The following CACNA1E variants were observed in gnomAD, a reference collection of about 807,000 sequenced individuals.
CACNA1E encodes voltage-dependent R-type calcium channel subunit alpha-1E.
CACNA1E carries 40 observed loss-of-function variants against 259.2 expected under a neutral mutation model. The ratio of observed to expected loss-of-function variants is 0.15; its 90% CI spans 0.12 to 0.20. The LOEUF is 0.20. Ranked by LOEUF, CACNA1E falls within the 10% of genes least tolerant of loss-of-function variation. The probability of loss-of-function intolerance (pLI) is 1.00; values close to 1 mark genes in which losing one functional copy is unlikely to be tolerated. For missense variants in CACNA1E, 1,874 were observed against 3,040.1 expected (o/e 0.62, Z 9.02); for synonymous variants, 1,104 against 1,138.5 (o/e 0.97, Z 0.61).
At chr1:181,335,464 C>A (rs1557920824) in intron 1 of CACNA1E, among the ~76,000 whole-genome samples, 1 of 152,224 alleles carries the variant, frequency 6.6e-6, no homozygotes, top group Admixed American at 6.5e-5. Flanking sequence ...AGCTTTCAGA[C>A]TCCTCTGGTT....
chr1:181,761,479 G>T (rs529187606), intron 32 of CACNA1E, among the ~76,000 whole-genome samples: 2 of 152,268 alleles, frequency 1.3e-5, no homozygotes, highest in East Asian at 3.9e-4. Flanking sequence ...TGTGAGGCTG[G>T]GTTGGAGTAT....
At chr1:181,573,772 C>A (rs2102949005) in intron 3 of CACNA1E, among the ~76,000 whole-genome samples, 1 of 152,314 alleles carries the variant, frequency 6.6e-6, no homozygotes, top group African/African-American at 2.4e-5. Context: ...AATCCCATTA[C>A]TGGGCATATA....
At chr1:181,416,706 T>A (rs564241514) in intron 2 of CACNA1E, among the ~76,000 whole-genome samples, 1 of 152,230 alleles carries the variant, frequency 6.6e-6, no homozygotes, top group East Asian at 1.9e-4. Context: ...GAGAAGCAAT[T>A]TGCTCCTCAC....
At chr1:181,747,959 G>A (rs1022311789) in intron 25 of CACNA1E, among the ~76,000 whole-genome samples, 3 of 152,108 alleles carry the variant, frequency 2.0e-5, no homozygotes, top group African/African-American at 7.2e-5. Context: ...TTGTTATTCA[G>A]TACTCTTTTC....
chr1:181,405,054 T>C (rs924345308), intron 1 of CACNA1E, among the ~76,000 whole-genome samples: 73 of 152,226 alleles, frequency 4.8e-4, no homozygotes, highest in African/African-American at 1.8e-3. Context: ...GCTAGTACCT[T>C]TGAAAGCCTG....
At chr1:181,430,093 A>C (rs1295724011) in intron 2 of CACNA1E, among the ~76,000 whole-genome samples, 1 of 152,198 alleles carries the variant, frequency 6.6e-6, no homozygotes, top group Non-Finnish European at 1.5e-5. Flanking sequence ...TTTCTGGATC[A>C]GTTAGAAGGC....
intron 6 of CACNA1E, among the ~76,000 whole-genome samples, chr1:181,614,349 T>C (rs764712615): frequency 1.3e-5 from 2 of 152,216 alleles, no homozygotes; most frequent in African/African-American, 2.4e-5. Flanking sequence ...TTTCTCTACT[T>C]CTTGGGAACA....
rs933754950 is a variant in CACNA1E at position 181,676,139 on chromosome 1, C to G, written c.1055+24698C>G. ...CCCAGCAAAGTGTCCCAGAGCTGTG[C>G]GAGGCTTATACAAAAGAAGGAAGCA... On this transcript the variant is annotated intron_variant, in intron 7 of 47. Coordinates refer to ENST00000367573, the MANE Select transcript of CACNA1E (RefSeq NM_001205293.3). 2.0e-5 allele frequency among the ~76,000 whole-genome samples: 3 copies of G among 152,088 alleles called. No homozygotes were observed. The South Asian group carries it at 6.2e-4, about 32-fold the overall frequency.
At chr1:181,667,622 G>T (rs199568655) in intron 7 of CACNA1E, among the ~76,000 whole-genome samples, 1 of 151,772 alleles carries the variant, frequency 6.6e-6, no homozygotes, top group Non-Finnish European at 1.5e-5. Context: ...AGGTAGAGAA[G>T]AAAAAACAGC....
At chr1:181,450,783 G>A (rs1365457533) in intron 2 of CACNA1E, among the ~76,000 whole-genome samples, 1 of 152,190 alleles carries the variant, frequency 6.6e-6, no homozygotes, top group East Asian at 1.9e-4. Context: ...TTTTAGCTGT[G>A]ATACAGAGAA....
intron 3 of CACNA1E, among the ~76,000 whole-genome samples, chr1:181,531,870 C>A (rs1375730552): frequency 6.6e-6 from 1 of 152,218 alleles, no homozygotes. Flanking sequence ...GCCTGGCCAA[C>A]ATGGTGAAAC....
intron 7 of CACNA1E, among the ~76,000 whole-genome samples, chr1:181,709,044 G>T (rs1197569077): frequency 6.6e-6 from 1 of 152,184 alleles, no homozygotes; most frequent in Admixed American, 6.5e-5. Flanking sequence ...AGATAGTGAG[G>T]ATGGAGAGGC....
intron 1 of CACNA1E, among the ~76,000 whole-genome samples, chr1:181,331,097 T>C (rs568868757): frequency 6.6e-6 from 1 of 152,148 alleles, no homozygotes; most frequent in African/African-American, 2.4e-5. Flanking sequence ...TAAACAAGCA[T>C]ATAAAGTATT....
chr1:181,515,248 C>T, intron 3 of CACNA1E, among the ~76,000 whole-genome samples: 1 of 152,088 alleles, frequency 6.6e-6, no homozygotes, highest in Admixed American at 6.6e-5. Context: ...GGACAGGGGC[C>T]CAATGTGTCC....
intron 1 of CACNA1E, among the ~76,000 whole-genome samples, chr1:181,322,680 C>G (rs1176547963): frequency 6.6e-6 from 1 of 152,146 alleles, no homozygotes; most frequent in Non-Finnish European, 1.5e-5. Context: ...TAGAATGGGG[C>G]TCCTCCAAGG....
chr1:181,787,088 G>A (rs1255988313), intron 43 of CACNA1E, among the ~76,000 whole-genome samples: 2 of 152,034 alleles, frequency 1.3e-5, no homozygotes, highest in African/African-American at 4.8e-5. Context: ...GGAAGAGTGG[G>A]ACCTCTTCAC....
At chr1:181,340,167 T>C (rs867769569) in intron 1 of CACNA1E, among the ~76,000 whole-genome samples, 6 of 152,056 alleles carry the variant, frequency 3.9e-5, no homozygotes, top group Non-Finnish European at 7.4e-5. Flanking sequence ...TACATAATTT[T>C]TTTTTACATG....
chr1:181,772,283 CT>C, intron 37 of CACNA1E, 52 bp downstream of exon 37: 3 of 1,559,214 alleles, frequency 1.9e-6, no homozygotes, highest in Non-Finnish European at 2.6e-6. Context: ...CATCCTACCC[CT>C]AACCCTCTGA....
intron 1 of CACNA1E, among the ~76,000 whole-genome samples, chr1:181,336,101 T>C (rs1651691707): frequency 6.6e-6 from 1 of 152,210 alleles, no homozygotes; most frequent in South Asian, 2.1e-4. Context: ...TCTTGATGGG[T>C]ACTTCTATTG....
Sources: allele counts gnomAD v4.1 joint callset (sites outside exome capture counted in the v4.1 genomes callset), GRCh38; gene constraint gnomAD v4.1.1; transcripts MANE v1.5; gene names NCBI Gene and HGNC (gene_info 2026-07-23, HGNC 2026-07-21).